Variants in LTBP1 observed in about 807,000 individuals in gnomAD.
LTBP1 encodes the protein latent-transforming growth factor beta-binding protein 1.
LTBP1 carries 129 observed loss-of-function variants against 207.6 expected under a neutral mutation model. The observed-to-expected ratio is 0.62, with a 90% CI of 0.54 to 0.72. The LOEUF (loss-of-function observed/expected upper bound fraction) is 0.72, where lower values mean the gene tolerates loss of function less well. Among genes scored for constraint, LTBP1 ranks in the 30% least tolerant of loss-of-function variants. The pLI, the probability that LTBP1 is intolerant of heterozygous loss-of-function variation, is 0.00. For missense variants in LTBP1, 2,281 were observed against 2,217.2 expected (o/e 1.03, Z -0.58); for synonymous variants, 963 against 833.7 (o/e 1.16, Z -2.67).
intron 31 of LTBP1, among the ~76,000 whole-genome samples, chr2:33,387,736 G>GTTTTTTTTTTTT (rs5830256): frequency 6.8e-6 from 1 of 147,856 alleles, no homozygotes; most frequent in African/African-American, 2.5e-5. Flanking sequence ...CCTTGGTGGG[G>GTTTTTTTTTTTT]TTTTTTTTTT....
At chr2:33,278,784 T>G (rs1481911093) in intron 18 of LTBP1, among the ~76,000 whole-genome samples, 1 of 152,184 alleles carries the variant, frequency 6.6e-6, no homozygotes, top group East Asian at 1.9e-4. Context: ...GCAAGCACCA[T>G]CTTTTTGTAG....
At chr2:33,082,194 C>G (rs2078450453) in intron 3 of LTBP1, among the ~76,000 whole-genome samples, 1 of 152,164 alleles carries the variant, frequency 6.6e-6, no homozygotes, top group Admixed American at 6.5e-5. Flanking sequence ...TTTTCTCTCC[C>G]TCTTGCCCTC....
intron 3 of LTBP1, among the ~76,000 whole-genome samples, chr2:33,101,773 C>T (rs1000242705): frequency 3.3e-5 from 5 of 152,132 alleles, no homozygotes; most frequent in Admixed American, 6.5e-5. Flanking sequence ...GATAAGCTCT[C>T]CTCAGTAACC....
At chr2:33,234,914 G>T (rs1230595043) in intron 9 of LTBP1, among the ~76,000 whole-genome samples, 3 of 152,054 alleles carry the variant, frequency 2.0e-5, no homozygotes, top group African/African-American at 7.2e-5. Context: ...ATGGATGAAA[G>T]ACTTAAATGT....
intron 9 of LTBP1, among the ~76,000 whole-genome samples, chr2:33,240,629 A>G (rs2092278380): frequency 6.7e-6 from 1 of 149,860 alleles, no homozygotes; most frequent in Non-Finnish European, 1.5e-5. Flanking sequence ...GAACCTTCTC[A>G]GGTGATGGAA....
intron 2 of LTBP1, among the ~76,000 whole-genome samples, chr2:32,977,000 C>A (rs1320412204): frequency 1.3e-5 from 2 of 152,240 alleles, no homozygotes; most frequent in Admixed American, 6.5e-5. Context: ...CTCTAGCATG[C>A]CTGGCCCCTC....
At chr2:33,250,954 A>G (rs549964137) in intron 10 of LTBP1, among the ~76,000 whole-genome samples, 1 of 152,226 alleles carries the variant, frequency 6.6e-6, no homozygotes, top group African/African-American at 2.4e-5. Flanking sequence ...GCCATCACCT[A>G]TGCTACACCC....
intron 22 of LTBP1, among the ~76,000 whole-genome samples, chr2:33,304,355 C>T (rs755201391): frequency 3.3e-5 from 5 of 152,210 alleles, no homozygotes; most frequent in Non-Finnish European, 5.9e-5. Context: ...TTAACTAAAC[C>T]GTGACTGTTC....
intron 11 of LTBP1, 23 bp downstream of exon 11, chr2:33,252,867 C>G: frequency 1.3e-6 from 2 of 1,562,024 alleles, no homozygotes; most frequent in South Asian, 1.2e-5. Context: ...CAGCTGTATG[C>G]GCACATAGAT....
intron 5 of LTBP1, among the ~76,000 whole-genome samples, chr2:33,167,099 C>A (rs2084988130): frequency 6.6e-6 from 1 of 151,846 alleles, no homozygotes; most frequent in Admixed American, 6.6e-5. Context: ...TTTGTCCCTG[C>A]CTGAAATTGC....
At chr2:33,008,111 AT>A (rs1459100400) in intron 2 of LTBP1, among the ~76,000 whole-genome samples, 1 of 152,114 alleles carries the variant, frequency 6.6e-6, no homozygotes, top group Non-Finnish European at 1.5e-5. Flanking sequence ...TATAAAGCTT[AT>A]TTTTTATTGC....
chr2:33,092,397 T>TA (rs2079150869), intron 3 of LTBP1, among the ~76,000 whole-genome samples: 1 of 152,228 alleles, frequency 6.6e-6, no homozygotes, highest in Non-Finnish European at 1.5e-5. Context: ...AGTCTTGTGT[T>TA]AGAACTTGTA....
chr2:33,074,237 A>T (rs1052605191), intron 3 of LTBP1, among the ~76,000 whole-genome samples: 64 of 152,256 alleles, frequency 4.2e-4, no homozygotes, highest in African/African-American at 1.5e-3. Context: ...TTGATAGAAA[A>T]GAGACGTAGC....
intron 2 of LTBP1, among the ~76,000 whole-genome samples, chr2:33,019,328 C>CTTTTTTT (rs58570641): frequency 2.3e-5 from 2 of 87,674 alleles, no homozygotes; most frequent in Non-Finnish European, 4.5e-5. Context: ...ATGTACACTT[C>CTTTTTTT]TTTTTTTTTT....
chr2:32,952,420 A>G (rs1418036459), intron 2 of LTBP1, among the ~76,000 whole-genome samples: 1 of 152,230 alleles, frequency 6.6e-6, no homozygotes, highest in Non-Finnish European at 1.5e-5. Flanking sequence ...GTGGATCCCT[A>G]GGAATCGAAA....
At chr2:33,144,114 TGA>T (rs1032874996) in intron 5 of LTBP1, among the ~76,000 whole-genome samples, 1 of 151,670 alleles carries the variant, frequency 6.6e-6, no homozygotes. Context: ...GTAGAGGCGT[TGA>T]GAGAGAGTGT....
intron 5 of LTBP1, among the ~76,000 whole-genome samples, chr2:33,159,014 C>G (rs918629097): frequency 6.6e-6 from 1 of 152,152 alleles, no homozygotes; most frequent in Non-Finnish European, 1.5e-5. Context: ...AAATACCTAT[C>G]GTGATTCTGT....
intron 18 of LTBP1, among the ~76,000 whole-genome samples, chr2:33,276,987 C>T (rs904943193): frequency 2.6e-5 from 4 of 152,160 alleles, no homozygotes; most frequent in Admixed American, 6.5e-5. Context: ...TGTGAGGGCA[C>T]GGGAGCATGG....
At chr2:32,994,124 T>C (rs571568984) in intron 2 of LTBP1, among the ~76,000 whole-genome samples, 10 of 151,740 alleles carry the variant, frequency 6.6e-5, no homozygotes, top group African/African-American at 2.2e-4. Context: ...CTAAGAAGTG[T>C]CCTACAGAGG....
Sources: gnomAD v4.1 joint callset for allele counts (sites outside exome capture counted in the v4.1 genomes callset) on GRCh38, gnomAD v4.1.1 for gene constraint, MANE v1.5 for transcripts, NCBI Gene and HGNC (gene_info 2026-07-23, HGNC 2026-07-21) for gene names.